The following FBXO34 variants were observed in gnomAD, a reference collection of about 807,000 sequenced individuals.
The protein encoded by FBXO34 is F-box only protein 34.
FBXO34 carries 12 observed loss-of-function variants against 24.5 expected under a neutral mutation model. The ratio of observed to expected loss-of-function variants is 0.49; its 90% CI spans 0.31 to 0.79. The LOEUF is 0.79. Ranked by LOEUF, FBXO34 falls within the 30% of genes least tolerant of loss-of-function variation. The pLI, the probability that FBXO34 is intolerant of heterozygous loss-of-function variation, is 0.04. For synonymous variants in FBXO34, 320 were observed against 311.9 expected (o/e 1.03, Z -0.27); for missense variants, 823 against 857.7 (o/e 0.96, Z 0.51).
chr14:55,391,199 A>G, the FBXO34 span: 4 of 434,398 alleles, frequency 9.2e-6, no homozygotes, highest in Non-Finnish European at 1.6e-5. Flanking sequence ...AAATTAGGCC[A>G]GTGCGGTGGC....
At chr14:55,329,651 A>C (rs1321992445) in intron 1 of FBXO34, among the ~76,000 whole-genome samples, 1 of 152,168 alleles carries the variant, frequency 6.6e-6, no homozygotes, top group Non-Finnish European at 1.5e-5. Context: ...ATAGGATTAA[A>C]ATATCTGTGG....
the FBXO34 span, among the ~76,000 whole-genome samples, chr14:55,404,449 G>T: frequency 6.6e-6 from 1 of 152,114 alleles, no homozygotes; most frequent in Non-Finnish European, 1.5e-5. Flanking sequence ...CCATCATCAC[G>T]TCAATTCAGT....
At chr14:55,434,727 T>C in the FBXO34 span, among the ~76,000 whole-genome samples, 1 of 152,254 alleles carries the variant, frequency 6.6e-6, no homozygotes, top group Non-Finnish European at 1.5e-5. Context: ...GAAAGCTTTA[T>C]TGTATTCGGG....
In FBXO34 at chr14:55,331,671, G is replaced by GTA. The variant is rs1167083082; in HGVS notation, c.-10-18698_-10-18697dup. On this transcript the variant is annotated intron_variant, in intron 1 of 1. Transcript: ENST00000313833. ...ATATATATATACCAACATGGTGTGT[G>GTA]TATATATATATATGTGTATATATAT... is the stretch of plus-strand genomic sequence containing the variant. 9.2e-4 allele frequency among the ~76,000 whole-genome samples: 42 copies of GTA among 45,560 alleles called. 7 individuals carry two copies. The highest frequency in any genetic ancestry group is 1.1e-3 in the East Asian group (2 of 1,830). The allele number at this position is 45,560 out of a possible 152,430, so 29.9% of individuals were successfully genotyped here. A position where few individuals can be genotyped will look rare whatever the true frequency, so the allele number is the denominator to read the frequency against.
chr14:55,439,177 G>A, the FBXO34 span, among the ~76,000 whole-genome samples: 2 of 151,482 alleles, frequency 1.3e-5, no homozygotes, highest in South Asian at 4.2e-4. Context: ...GACCTCAAAT[G>A]AGCCACGTGC....
chr14:55,387,942 A>G, the FBXO34 span, among the ~76,000 whole-genome samples: 1 of 152,162 alleles, frequency 6.6e-6, no homozygotes, highest in African/African-American at 2.4e-5. Flanking sequence ...GATTATAGGC[A>G]TGAGCCACTG....
the FBXO34 span, among the ~76,000 whole-genome samples, chr14:55,392,664 AAAAG>A: frequency 6.6e-6 from 1 of 152,110 alleles, no homozygotes; most frequent in East Asian, 1.9e-4. Context: ...AAAAAAAAAA[AAAAG>A]AAGGATCTAC....
the FBXO34 span, chr14:55,414,057 C>A: frequency 1.8e-6 from 1 of 554,904 alleles, no homozygotes; most frequent in South Asian, 1.4e-5. Flanking sequence ...TTGTGTTCGT[C>A]ATTTTGGCAA....
At chr14:55,421,607 G>A in the FBXO34 span, among the ~76,000 whole-genome samples, 1 of 152,152 alleles carries the variant, frequency 6.6e-6, no homozygotes, top group Non-Finnish European at 1.5e-5. Flanking sequence ...GGGGTCACAG[G>A]TGCCTGCCAC....
the FBXO34 span, chr14:55,395,874 T>C: frequency 8.4e-7 from 1 of 1,183,876 alleles, no homozygotes; most frequent in South Asian, 2.0e-5. Flanking sequence ...TTAAAAATAA[T>C]TTTATAAGCT....
At chr14:55,279,692 G>A (rs1328276219) in intron 1 of FBXO34, among the ~76,000 whole-genome samples, 6 of 152,168 alleles carry the variant, frequency 3.9e-5, no homozygotes, top group African/African-American at 1.4e-4. Context: ...TGTCATTTCT[G>A]AATGAACCAT....
At chr14:55,441,926 C>A in the FBXO34 span, among the ~76,000 whole-genome samples, 2 of 151,750 alleles carry the variant, frequency 1.3e-5, no homozygotes, top group Admixed American at 6.6e-5. Context: ...CCATGCCCAG[C>A]TAATTTTTGT....
At chr14:55,395,190 T>C in the FBXO34 span, 2 of 434,038 alleles carry the variant, frequency 4.6e-6, no homozygotes, top group Admixed American at 5.2e-5. Context: ...CTTGGGCTCT[T>C]CCTCTGTGGC....
intron 1 of FBXO34, among the ~76,000 whole-genome samples, chr14:55,275,729 CAGG>C (rs1881313750): frequency 6.8e-6 from 1 of 146,258 alleles, no homozygotes; most frequent in South Asian, 2.2e-4. Flanking sequence ...GAGGCTGAGG[CAGG>C]AGAATGGTGT....
downstream of FBXO34, among the ~76,000 whole-genome samples, chr14:55,358,491 G>A (rs1206675038): frequency 6.6e-6 from 1 of 152,144 alleles, no homozygotes; most frequent in African/African-American, 2.4e-5. Context: ...CCACTTCTCA[G>A]GACGAAGGGA....
At chr14:55,289,348 G>A (rs1340923219) in intron 1 of FBXO34, among the ~76,000 whole-genome samples, 1 of 152,008 alleles carries the variant, frequency 6.6e-6, no homozygotes, top group Non-Finnish European at 1.5e-5. Flanking sequence ...TTAGTAGGAT[G>A]GAAGAACATT....
At chr14:55,359,223 T>C (rs1472790602) in intron 3 of FBXO34, among the ~76,000 whole-genome samples, 1 of 152,122 alleles carries the variant, frequency 6.6e-6, no homozygotes, top group South Asian at 2.1e-4. Flanking sequence ...CTTCTTCAGC[T>C]TCCCAAAGGC....
At chr14:55,438,194 A>G in the FBXO34 span, among the ~76,000 whole-genome samples, 4 of 152,214 alleles carry the variant, frequency 2.6e-5, no homozygotes, top group African/African-American at 9.6e-5. Context: ...ACCGTGTTGC[A>G]TCTTCTCAGT....
At chr14:55,298,670 C>T in intron 1 of FBXO34, 18 of 1,539,202 alleles carry the variant, frequency 1.2e-5, no homozygotes, top group East Asian at 1.2e-4. Flanking sequence ...GGGGTAAGGC[C>T]GGCAAGGGCG....
Sources: gnomAD v4.1 joint callset for allele counts (sites outside exome capture counted in the v4.1 genomes callset) on GRCh38, gnomAD v4.1.1 for gene constraint, MANE v1.5 for transcripts, NCBI Gene and HGNC (gene_info 2026-07-23, HGNC 2026-07-21) for gene names.